The following ITGA7 variants were observed in gnomAD, a reference collection of about 807,000 sequenced individuals.
The protein encoded by ITGA7 is integrin subunit alpha 7, also known as integrin alpha-7.
ITGA7 carries 84 observed loss-of-function variants against 131.6 expected under a neutral mutation model. The ratio of observed to expected loss-of-function variants is 0.64; its 90% confidence interval spans 0.54 to 0.77. The LOEUF is 0.77. ITGA7 is among the 30% of genes least tolerant of loss of function. The probability of loss-of-function intolerance (pLI) is 0.00; values close to 1 mark genes in which losing one functional copy is unlikely to be tolerated. For synonymous variants in ITGA7, 548 were observed against 600.7 expected, an observed-to-expected ratio of 0.91 and a Z score of 1.28; for missense variants, 1,399 against 1,482.9, an observed-to-expected ratio of 0.94 and a Z score of 0.93.
rs1490372035 is a variant in ITGA7 at position 55,694,969 on chromosome 12, C to T, written c.2005G>A (p.Asp669Asn). Residue 669 changes from aspartate (D) to asparagine (N), a missense_variant and splice_region_variant, in exon 15 of 25, where the codon GAT (aspartate) becomes AAT (asparagine). Transcript: ENST00000257879. The surrounding 1 kb of genome is among the most constrained non-coding windows in gnomAD (Gnocchi z 5.3). Reference sequence around the variant, plus strand: ...AACAGGGCTGTTGTTCCATCCACATCCCTGGAGAGTCAGACCCCACTCCTG... The same window carrying T: ...AACAGGGCTGTTGTTCCATCCACATTCCTGGAGAGTCAGACCCCACTCCTG... ...SDTEFQPLPMDVDGTTALFAL... is the reference protein window; with the variant it reads ...SDTEFQPLPMNVDGTTALFAL... 2 of 1,613,038 alleles carry T rather than the reference C, an allele frequency of 1.2e-6. No homozygotes were observed. Among genetic ancestry groups the T allele is most frequent in the Admixed American group, 1.7e-5 (1 of 60,012 alleles).
rs986621712 is a variant in ITGA7 at position 55,696,273 on chromosome 12, C to T, written c.1887+10G>A. On this transcript the variant is annotated intron_variant, in intron 13 of 24. Coordinates refer to ENST00000257879, the MANE Select transcript of ITGA7 (RefSeq NM_002206.3). The stretch of plus-strand genomic sequence containing the variant: ...TCCTCCCCCTGGGCTAAACCAGAAC[C>T]CATGCTCACCTCTGCCCGCTGGGTG... 1.3e-6 allele frequency: 2 copies of T among 1,562,244 alleles called. No homozygotes were observed. Among genetic ancestry groups the T allele is most frequent in the Non-Finnish European group, 8.7e-7 (1 of 1,154,058 alleles).
At chr12:55,697,342 C>T in intron 10 of ITGA7, 65 bp from the exon 11 acceptor site, 1 of 1,576,388 alleles carries the variant, frequency 6.3e-7, no homozygotes, top group African/African-American at 1.3e-5. Context: ...TACCCCCACC[C>T]CATCTGTCAC....
intron 1 of ITGA7, among the ~76,000 whole-genome samples, chr12:55,704,009 C>T (rs1349201617): frequency 6.6e-6 from 1 of 152,202 alleles, no homozygotes; most frequent in African/African-American, 2.4e-5. Context: ...AAGCCGTCTT[C>T]CCCAGGGGAG....
chr12:55,698,991 G>T, intron 5 of ITGA7, 74 bp from the exon 6 acceptor site: 1 of 1,366,930 alleles, frequency 7.3e-7, no homozygotes, highest in East Asian at 2.5e-5. Flanking sequence ...AGCTCCCCCA[G>T]CCCCTGCCCC....
rs554040304 is a variant in ITGA7 at position 55,691,582 on chromosome 12, A to G, written c.2844+1262T>C. Among the ~76,000 whole-genome samples, 176 of 152,368 alleles carry G rather than the reference A, an allele frequency of 1.2e-3. 1 individual carries two copies. The highest frequency in any genetic ancestry group is 3.9e-3 in the African/African-American group (163 of 41,588). On this transcript the variant is annotated intron_variant, in intron 21 of 24. Transcript: ENST00000257879. Reference sequence around the variant, plus strand: ...CATATTTCAAAACATTGTATTATACATGATAAATATAATTTTTGTCATTTA... The same window carrying G: ...CATATTTCAAAACATTGTATTATACGTGATAAATATAATTTTTGTCATTTA...
At chr12:55,698,207 G>T in intron 7 of ITGA7, 176 bp downstream of exon 7, 1 of 831,820 alleles carries the variant, frequency 1.2e-6, no homozygotes, top group Non-Finnish European at 1.9e-6. Flanking sequence ...TATTACTAAC[G>T]CAAAAAGGTT....
At chr12:55,701,175 G>A (rs772929327) in intron 3 of ITGA7, 21 bp from the exon 4 acceptor site, 3 of 1,614,116 alleles carry the variant, frequency 1.9e-6, no homozygotes, top group Non-Finnish European at 2.5e-6. Context: ...AAGGGATGGG[G>A]ATCATTTCAC....
In ITGA7 at chr12:55,688,904, G is replaced by C. The variant is rs1302070298; in HGVS notation, c.2898C>G (p.Ser966Arg). The change falls in exon 22 of 25, where the codon AGC becomes AGG. Residue 966 changes from serine (S) to arginine (R), a missense_variant. Physicochemically the swap from Ser to Arg is moderately radical, Grantham distance 110. Transcript: ENST00000257879. ...CATGCAGCACAGCCGCGCGGTCAAA[G>C]CTGTAGAGTGGGCAGCTGAACACCA... The part of the protein sequence containing the change: ...NCVVFSCPLY[S>R]FDRAAVLHVW... 1 of 1,614,080 alleles carries C rather than the reference G, an allele frequency of 6.2e-7. No individual in the cohort carries two copies. The highest frequency in any genetic ancestry group is 1.1e-5 in the South Asian group (1 of 91,076).
intron 22 of ITGA7, among the ~76,000 whole-genome samples, chr12:55,688,580 G>A (rs539110142): frequency 8.5e-5 from 13 of 152,110 alleles, no homozygotes; most frequent in South Asian, 6.2e-4. Flanking sequence ...CAAAAATATC[G>A]GGTGTGGTGG....
chr12:55,689,096 C>T (rs1870902129), intron 21 of ITGA7, 139 bp from the exon 22 acceptor site: 1 of 663,900 alleles, frequency 1.5e-6, no homozygotes, highest in Non-Finnish European at 2.7e-6. Flanking sequence ...TCCAAAATAG[C>T]TGCCTGCCCC....
intron 3 of ITGA7, 128 bp downstream of exon 3, chr12:55,702,744 G>C: frequency 1.3e-6 from 1 of 783,428 alleles, no homozygotes; most frequent in South Asian, 1.4e-5. Flanking sequence ...ATATCTCCCT[G>C]ATGTACTTGG....
At chr12:55,700,866 G>A (rs1007328312) in intron 4 of ITGA7, 33 bp downstream of exon 4, 1 of 1,614,070 alleles carries the variant, frequency 6.2e-7, no homozygotes, top group African/African-American at 1.3e-5. Flanking sequence ...GGAGGTTTTG[G>A]TCCCCTTCTC....
intron 1 of ITGA7, among the ~76,000 whole-genome samples, chr12:55,705,630 C>A (rs147744362): frequency 1.1e-4 from 17 of 152,362 alleles, no homozygotes; most frequent in African/African-American, 3.6e-4. Flanking sequence ...CTCTGTAAGG[C>A]GCTCTGTGAA....
chr12:55,699,252 G>A (rs558238055), intron 5 of ITGA7, among the ~76,000 whole-genome samples: 5 of 152,266 alleles, frequency 3.3e-5, no homozygotes, highest in African/African-American at 1.2e-4. Flanking sequence ...AGGAGCCCAG[G>A]TAGGAGGCTG....
chr12:55,694,617 G>C lies in ITGA7; in HGVS notation c.2275C>G (p.Gln759Glu). 1 of 1,613,962 alleles carries C rather than the reference G, an allele frequency of 6.2e-7. No homozygotes were observed. The highest frequency in any genetic ancestry group is 8.5e-7 in the Non-Finnish European group (1 of 1,179,856). The change falls in exon 16 of 25, where the codon CAG (glutamine) becomes GAG (glutamate). Residue 759 changes from glutamine to glutamate, a missense_variant and splice_region_variant. Transcript: ENST00000257879. This position sits in a 1 kb window ranked among gnomAD's most constrained non-coding sequence, Gnocchi z 5.3. ...ELGNPMKRGA[Q>E]VTFYLILSTS... The stretch of plus-strand genomic sequence containing the variant: ...GGGATAAGGGCAGATGTGCCAACCT[G>C]GGCACCTCTCTTCATGGGGTTCCCC...
At chr12:55,703,926 C>T (rs924448396) in intron 1 of ITGA7, among the ~76,000 whole-genome samples, 5 of 152,188 alleles carry the variant, frequency 3.3e-5, no homozygotes, top group African/African-American at 9.7e-5. Context: ...ACCCAGTCTT[C>T]TCTCCTGCCT....
Position 55,688,107 on chromosome 12 carries a change from A to C in ITGA7, c.3058-11T>G, listed in dbSNP as rs537592901. On this transcript the variant is annotated splice_polypyrimidine_tract_variant and intron_variant, in intron 23 of 24. Transcript: ENST00000257879. The stretch of plus-strand genomic sequence containing the variant: ...TACCATCACTGGGATCTGGGGAGCA[A>C]GGGGTCAATGGAGCAAGAGGTCAAT... 6.2e-7 allele frequency: 1 copy of C among 1,614,146 alleles called. No individual in the cohort carries two copies. The highest frequency in any genetic ancestry group is 1.3e-5 in the African/African-American group (1 of 75,034).
chr12:55,704,610 A>G (rs1874802792), intron 1 of ITGA7, among the ~76,000 whole-genome samples: 1 of 152,256 alleles, frequency 6.6e-6, no homozygotes, highest in Admixed American at 6.5e-5. Flanking sequence ...AGGATAGGCA[A>G]GTCACATGCA....
rs752569950 is a variant in ITGA7, at chr12:55,697,026, C to A, written c.1610G>T (p.Arg537Leu). The change falls in exon 12 of 25, where the codon CGG becomes CTG. Residue 537 changes from arginine (R) to leucine (L), a missense_variant. Transcript: ENST00000257879. The part of the protein sequence containing the change: ...VLDADTDRRL[R>L]GQVPRVTFLS... ...GAACGTCACACGGGGAACCTGGCCC[C>A]GGAGCCTCCGGTCTGTGTCCGCATC... 1.2e-6 allele frequency: 2 copies of A among 1,613,892 alleles called. No homozygotes were observed. The highest frequency in any genetic ancestry group is 1.1e-5 in the South Asian group (1 of 91,060).
Sources: allele counts gnomAD v4.1 joint callset (sites outside exome capture counted in the v4.1 genomes callset), GRCh38; gene constraint gnomAD v4.1.1; non-coding constraint Gnocchi (gnomAD v3.1); transcripts MANE v1.5; gene names NCBI Gene and HGNC (gene_info 2026-07-23, HGNC 2026-07-21).